Variants in PLEKHJ1 observed in about 807,000 individuals in gnomAD.
The protein encoded by PLEKHJ1 is pleckstrin homology domain-containing family J member 1.
PLEKHJ1 carries 20 observed loss-of-function variants against 21.7 expected under a neutral mutation model. The ratio of observed to expected loss-of-function variants is 0.92; its 90% CI spans 0.65 to 1.34. The LOEUF is 1.34. Among genes scored for constraint, PLEKHJ1 ranks in the 40% most tolerant of loss-of-function variants. PLEKHJ1 has a pLI of 0.00. For synonymous variants in PLEKHJ1, 113 were observed against 80.6 expected, an observed-to-expected ratio of 1.40 and a Z score of -2.15; for missense variants, 241 against 202.0, an observed-to-expected ratio of 1.19 and a Z score of -1.17.
At chr19:2,234,540 C>T in intron 3 of PLEKHJ1, 1 of 349,344 alleles carries the variant, frequency 2.9e-6, no homozygotes, top group African/African-American at 2.1e-5. Context: ...GCAAAATCCC[C>T]ATCTCTACAA....
rs947063814 is a variant in PLEKHJ1 at position 2,236,087 on chromosome 19, C to A, written c.94+68G>T. On this transcript the variant is annotated intron_variant, in intron 1 of 5. Coordinates refer to ENST00000326631, the MANE Select transcript of PLEKHJ1 (RefSeq NM_018049.3). ...CCGACCCGGACTCCGGCCTCCGGCA[C>A]CCCCGCCCAGACCCCGGCCCCGGCC... 1.7e-4 allele frequency: 246 copies of A among 1,411,658 alleles called. 2 individuals carry two copies. Among genetic ancestry groups the A allele is most frequent in the Non-Finnish European group, 5.1e-5 (55 of 1,081,210 alleles). The allele number at this position is 1,411,658 out of a possible 1,614,324, so 87.4% of individuals were successfully genotyped here.
At chr19:2,232,422 G>A (rs879674922), downstream of PLEKHJ1, 18 of 215,336 alleles carry the variant, frequency 8.4e-5, no homozygotes, top group African/African-American at 2.1e-4. Flanking sequence ...CCTTTGTAAC[G>A]TGGGAGGCTC....
chr19:2,231,883 A>G (rs2024614032), downstream of PLEKHJ1: 1 of 220,148 alleles, frequency 4.5e-6, no homozygotes, highest in Non-Finnish European at 9.1e-6. Flanking sequence ...TGTTCAGGAC[A>G]CGCACTGGGT....
downstream of PLEKHJ1, chr19:2,231,793 T>C (rs1031312659): frequency 4.7e-6 from 1 of 214,792 alleles, no homozygotes; most frequent in African/African-American, 2.3e-5. Flanking sequence ...TGCCTCCCTC[T>C]AGGTGACAGT....
chr19:2,235,693 G>A (rs1011783982), intron 3 of PLEKHJ1, 69 bp downstream of exon 3: 14 of 1,419,980 alleles, frequency 9.9e-6, no homozygotes, highest in Admixed American at 8.6e-5. Flanking sequence ...CGCCCGGGGA[G>A]GGGAAAGTGC....
Position 2,234,186 on chromosome 19 carries a change from T to G in PLEKHJ1, c.284A>C (p.Gln95Pro), listed in dbSNP as rs2024711425. Residue 95 changes from glutamine to proline, a missense_variant, in exon 4 of 6, where the codon CAG (glutamine) becomes CCG (proline). Physicochemically the swap from Gln to Pro is moderately conservative, Grantham distance 76 (BLOSUM62 -1). Coordinates refer to ENST00000326631, the MANE Select transcript of PLEKHJ1 (RefSeq NM_018049.3). ...CAGAGCCTCCATCCACTCCTGACACTGCTCCTCGCTGCTGCACTCAAAGTG... is the reference window on the plus strand; with the variant it reads ...CAGAGCCTCCATCCACTCCTGACACGGCTCCTCGCTGCTGCACTCAAAGTG... ...KYHFECSSEEQCQEWMEALRR... is the reference protein window; with the variant it reads ...KYHFECSSEEPCQEWMEALRR... The G allele has an allele frequency of 6.2e-7, 1 of 1,613,116 alleles. No homozygotes were observed. The highest frequency in any genetic ancestry group is 8.5e-7 in the Non-Finnish European group (1 of 1,180,006).
intron 3 of PLEKHJ1, 55 bp from the exon 4 acceptor site, chr19:2,234,295 T>TG: frequency 7.4e-7 from 1 of 1,356,788 alleles, no homozygotes; most frequent in South Asian, 1.2e-5. Context: ...CAGCTTCCTC[T>TG]TGCCATTGCC....
chr19:2,235,496 T>A, intron 3 of PLEKHJ1: 1 of 513,722 alleles, frequency 1.9e-6, no homozygotes, highest in Non-Finnish European at 3.5e-6. Flanking sequence ...CCACCTGCCC[T>A]GTAAGTACAG....
rs929978303 is a variant in PLEKHJ1, at chr19:2,236,226, A to G, written c.23T>C (p.Leu8Pro). The G allele has an allele frequency of 4.8e-6, 7 of 1,462,060 alleles. No homozygotes were observed. The African/African-American group carries it at 7.4e-5, about 15-fold the overall frequency. 90.6% of individuals were successfully genotyped at this position (1,462,060 alleles called of 1,614,324 possible). A position where few individuals can be genotyped will look rare whatever the true frequency, so the allele number is the denominator to read the frequency against. Residue 8 changes from leucine (L) to proline (P), a missense_variant, in exon 1 of 6, where the codon CTG (leucine) becomes CCG (proline). By Grantham distance (98) the Leu-to-Pro change is moderately conservative (BLOSUM62 -3). Transcript: ENST00000326631. MRYNEKE[L>P]QALSRQPAEM... is the part of the protein sequence containing the mutation. ...GGCCGGCTGCCGGGACAGAGCCTGC[A>G]GCTCCTTCTCGTTGTACCGCATGGC...
chr19:2,232,967 T>TA (rs955613014), downstream of PLEKHJ1, among the ~76,000 whole-genome samples: 2 of 152,144 alleles, frequency 1.3e-5, no homozygotes, highest in African/African-American at 4.8e-5. Context: ...GGATTCCTGA[T>TA]ACCACACAGC....
chr19:2,235,425 A>G (rs1388937518), intron 3 of PLEKHJ1: 2 of 279,374 alleles, frequency 7.2e-6, no homozygotes, highest in Admixed American at 5.1e-5. Context: ...CCGGGGCCAT[A>G]TAACAATGCT....
downstream of PLEKHJ1, chr19:2,232,472 A>G (rs1390016736): frequency 1.4e-5 from 3 of 220,838 alleles, no homozygotes; most frequent in Non-Finnish European, 2.7e-5. Context: ...GATTGCGCGC[A>G]TTGTCACGGT....
At chr19:2,231,718 G>A (rs1332493507), downstream of PLEKHJ1, 1 of 213,630 alleles carries the variant, frequency 4.7e-6, no homozygotes, top group Non-Finnish European at 9.5e-6. Context: ...CCACAGGGTT[G>A]ATGGCAGAGA....
At chr19:2,230,011 A>G (rs1000978758), downstream of PLEKHJ1, 4 of 725,732 alleles carry the variant, frequency 5.5e-6, no homozygotes, top group African/African-American at 5.4e-5. Flanking sequence ...CATTTTTTAA[A>G]AAGTATAAAC....
Position 2,233,997 on chromosome 19 carries a change from C to A in PLEKHJ1, c.384+1G>T. 2 of 1,613,196 alleles carry A rather than the reference C, an allele frequency of 1.2e-6. No individual in the cohort carries two copies. The highest frequency in any genetic ancestry group is 8.5e-7 in the Non-Finnish European group (1 of 1,179,930). ...CCGGCCCTCTGCAGCCCTGCACACA[C>A]CTTGCCCGTCACCTTCCGGATTTCG... On this transcript the variant is annotated splice_donor_variant, in intron 5 of 5. Coordinates refer to ENST00000326631, the MANE Select transcript of PLEKHJ1 (RefSeq NM_018049.3). LOFTEE classifies it high-confidence loss of function.
chr19:2,233,043 CCT>C (rs917848552), downstream of PLEKHJ1: 3 of 152,392 alleles, frequency 2.0e-5, no homozygotes, highest in African/African-American at 4.8e-5. Flanking sequence ...CTAGCTCTCC[CCT>C]CAGTGCAGGA....
chr19:2,231,366 A>C, downstream of PLEKHJ1: 1 of 207,898 alleles, frequency 4.8e-6, no homozygotes, highest in Non-Finnish European at 9.8e-6. Flanking sequence ...CACACGTCAC[A>C]TCCCTACCAC....
chr19:2,233,158 A>G lies in PLEKHJ1; in HGVS notation c.*682T>C, dbSNP rs968479167. 1 of 152,414 alleles carries G rather than the reference A, an allele frequency of 6.6e-6. No individual in the cohort carries two copies. 9.4% of individuals were successfully genotyped at this position (152,414 alleles called of 1,614,324 possible). A position where few individuals can be genotyped will look rare whatever the true frequency, so the allele number is the denominator to read the frequency against. On this transcript the variant is annotated 3_prime_UTR_variant, in exon 6 of 6. Coordinates refer to ENST00000326631, the MANE Select transcript of PLEKHJ1 (RefSeq NM_018049.3). ...TTCACTTCACCGCCATCCAGTGTGGAAAAGAGGTACCTTTATTTGAACAGA... is the reference window on the plus strand; with the variant it reads ...TTCACTTCACCGCCATCCAGTGTGGGAAAGAGGTACCTTTATTTGAACAGA...
Position 2,234,520 on chromosome 19 carries a change from G to GA in PLEKHJ1, c.230-281_230-280insT, listed in dbSNP as rs2024731850. 4 of 395,938 alleles carry GA rather than the reference G, an allele frequency of 1.0e-5. No homozygotes were observed. The East Asian group carries it at 2.0e-4, about 20-fold the overall frequency. The allele number at this position is 395,938 out of a possible 1,614,324, so 24.5% of individuals were successfully genotyped here. On this transcript the variant is annotated intron_variant, in intron 3 of 5. Transcript: ENST00000326631. ...GAGCTCAGGAGTTCGAGACCAGCCT[G>GA]GGTGACATGGCAAAATCCCCATCTC...
Sources: allele counts gnomAD v4.1 joint callset (sites outside exome capture counted in the v4.1 genomes callset), GRCh38; gene constraint gnomAD v4.1.1; transcripts MANE v1.5; gene names NCBI Gene and HGNC (gene_info 2026-07-23, HGNC 2026-07-21).